BCL11B: variants seen among roughly 807,000 people sequenced by gnomAD.
The protein encoded by BCL11B is BCL11 transcription factor B.
A neutral mutation model predicts 49.9 loss-of-function variants in BCL11B; 8 were observed. The ratio of observed to expected loss-of-function variants is 0.16; its 90% CI spans 0.09 to 0.29. BCL11B has a LOEUF of 0.29. Among genes scored for constraint, BCL11B ranks in the 10% least tolerant of loss-of-function variants. The probability of loss-of-function intolerance (pLI) is 1.00; values close to 1 mark genes in which losing one functional copy is unlikely to be tolerated. For synonymous variants in BCL11B, 739 were observed against 637.4 expected, an observed-to-expected ratio of 1.16 and a Z score of -2.40; for missense variants, 1,006 against 1,351.0, an observed-to-expected ratio of 0.74 and a Z score of 4.00.
chr14:99,247,974 T>A lies in BCL11B; in HGVS notation c.427+9497A>T, dbSNP rs975350707. On this transcript the variant is annotated intron_variant, in intron 2 of 3. Transcript: ENST00000357195. The surrounding 1 kb of genome is among the most constrained non-coding windows in gnomAD (Gnocchi z 4.5). ...CGGTCCTGGGCTGGGGGGCTCACCC[T>A]GCCCTTGGCTGCTGCCTTTTCTCCA... Among the ~76,000 whole-genome samples the A allele has an allele frequency of 1.3e-5, 2 of 152,216 alleles. No individual in the cohort carries two copies. The highest frequency in any genetic ancestry group is 4.8e-5 in the African/African-American group (2 of 41,460).
rs374027806 is a variant in BCL11B, at chr14:99,246,911, A to G, written c.427+10560T>C. Among the ~76,000 whole-genome samples, 109 of 152,256 alleles carry G rather than the reference A, an allele frequency of 7.2e-4. 4 individuals are homozygous for G. The East Asian group carries it at 0.016, about 23-fold the overall frequency. ...GTCGGGGAAACCGGAAAATTGCAGT[A>G]GCGGGGAGGCAGGTGGCGCCCAGAG... On this transcript the variant is annotated intron_variant, in intron 2 of 3. Transcript: ENST00000357195.
chr14:99,220,383 T>C (rs1436258927), intron 3 of BCL11B, among the ~76,000 whole-genome samples: 1 of 152,160 alleles, frequency 6.6e-6, no homozygotes, highest in Non-Finnish European at 1.5e-5. Context: ...GGTCTATCCA[T>C]ATGATAGAAT....
chr14:99,261,123 T>C (rs1889325035), intron 1 of BCL11B, among the ~76,000 whole-genome samples: 3 of 152,306 alleles, frequency 2.0e-5, no homozygotes, highest in Middle Eastern at 3.4e-3. Flanking sequence ...TGTGCGACAC[T>C]TCCCAGGAAG....
intron 3 of BCL11B, among the ~76,000 whole-genome samples, chr14:99,218,072 T>G (rs892857907): frequency 5.6e-5 from 8 of 143,416 alleles, no homozygotes; most frequent in Admixed American, 2.1e-4. Context: ...TTTTTTTTTT[T>G]TTTTTTTTTT....
rs1888919333 is a variant in BCL11B, at chr14:99,248,823, T to G, written c.427+8648A>C. On this transcript the variant is annotated intron_variant, in intron 2 of 3. Coordinates refer to ENST00000357195, the MANE Select transcript of BCL11B (RefSeq NM_138576.4). The surrounding 1 kb of genome is among the most constrained non-coding windows in gnomAD (Gnocchi z 4.7). Reference sequence around the variant, plus strand: ...GCAGCTGTTAGAAACCACTGGTGGCTCCATCTCACATTTCAGCCCAGCAGG... The same window carrying G: ...GCAGCTGTTAGAAACCACTGGTGGCGCCATCTCACATTTCAGCCCAGCAGG... Among the ~76,000 whole-genome samples, 1 of 151,900 alleles carries G rather than the reference T, an allele frequency of 6.6e-6. No homozygotes were observed. Among genetic ancestry groups the G allele is most frequent in the Admixed American group, 6.6e-5 (1 of 15,258 alleles).
At chr14:99,240,478 A>C (rs756970507) in intron 2 of BCL11B, among the ~76,000 whole-genome samples, 53 of 152,236 alleles carry the variant, frequency 3.5e-4, no homozygotes, top group Non-Finnish European at 6.8e-4. Flanking sequence ...TATGTTCCTA[A>C]GCCAAGTCTG....
rs76927979 is a variant in BCL11B at position 99,237,621 on chromosome 14, C to G, written c.428-6064G>C. 5.8e-3 allele frequency among the ~76,000 whole-genome samples: 880 copies of G among 152,190 alleles called. 59 individuals are homozygous for G. The East Asian group carries it at 0.15, about 26-fold the overall frequency. ...ACGGGTCTCTAGTCCCTTGTTGCCA[C>G]GGGTTTTGGCTTGGGGGTGAACATG... On this transcript the variant is annotated intron_variant, in intron 2 of 3. Coordinates refer to ENST00000357195, the MANE Select transcript of BCL11B (RefSeq NM_138576.4).
At chr14:99,197,511 A>G (rs1887211431) in intron 3 of BCL11B, among the ~76,000 whole-genome samples, 1 of 151,912 alleles carries the variant, frequency 6.6e-6, no homozygotes, top group Non-Finnish European at 1.5e-5. Context: ...TTTTTTCACA[A>G]GGCAAGCCTC....
chr14:99,214,718 C>G (rs1242564454), intron 3 of BCL11B, among the ~76,000 whole-genome samples: 1 of 152,048 alleles, frequency 6.6e-6, no homozygotes, highest in African/African-American at 2.4e-5. Flanking sequence ...TGGATGCAGC[C>G]TTCTTGGGAG....
intron 3 of BCL11B, among the ~76,000 whole-genome samples, chr14:99,222,836 C>CCTTTCTTTCTTT (rs34988198): frequency 5.9e-4 from 89 of 151,410 alleles, no homozygotes; most frequent in African/African-American, 2.1e-3. Context: ...TCTTTATTTC[C>CCTTTCTTTCTTT]CTTTCTTTCT....
intron 3 of BCL11B, among the ~76,000 whole-genome samples, chr14:99,207,707 G>A (rs1049726698): frequency 6.6e-6 from 1 of 152,224 alleles, no homozygotes; most frequent in Non-Finnish European, 1.5e-5. Flanking sequence ...TTCCCGGAGA[G>A]TAAACAGGAG....
intron 1 of BCL11B, among the ~76,000 whole-genome samples, chr14:99,269,731 C>T (rs1437223539): frequency 4.6e-5 from 7 of 151,110 alleles, no homozygotes; most frequent in Admixed American, 4.0e-4. Context: ...GCAGCCAGTC[C>T]TCTGCGGTGA....
At chr14:99,196,349 G>C (rs1887178996) in intron 3 of BCL11B, among the ~76,000 whole-genome samples, 2 of 152,128 alleles carry the variant, frequency 1.3e-5, no homozygotes. Flanking sequence ...GCAGCACCGT[G>C]ATACCTTCTG....
At position 99,174,184 on chromosome 14, in the gene BCL11B, G is replaced by A. The variant is rs776324483; in HGVS notation, c.2652C>T (p.Asn884=). 3.7e-6 allele frequency: 6 copies of A among 1,613,338 alleles called. No homozygotes were observed. Among genetic ancestry groups the A allele is most frequent in the Admixed American group, 1.7e-5 (1 of 60,008 alleles). ...KKWHGEHLLT[N]DVKIEQAERS ...TCTCGGCCTGCTCGATTTTGACGTCGTTAGTCAGCAAGTGCTCGCCGTGCC... is the reference window on the plus strand; with the variant it reads ...TCTCGGCCTGCTCGATTTTGACGTCATTAGTCAGCAAGTGCTCGCCGTGCC... The change falls in exon 4 of 4, where the codon AAC becomes AAT. Residue 884 remains asparagine (N), a synonymous_variant. Transcript: ENST00000357195.
chr14:99,215,558 TAA>T (rs1284254310), intron 3 of BCL11B, among the ~76,000 whole-genome samples: 1 of 152,226 alleles, frequency 6.6e-6, no homozygotes. Flanking sequence ...TCTCACATAG[TAA>T]GGCTGGCTCC....
Position 99,174,948 on chromosome 14 carries a change from C to T in BCL11B, c.1888G>A (p.Gly630Ser). ...RGAFLKRAAG[G>S]GDAGDDDDAG... is the part of the protein sequence containing the mutation. ...TCGTCGTCGTCGCCCGCGTCCCCGCCGCCCGCCGCACGCTTCAGGAAGGCG... is the reference window on the plus strand; with the variant it reads ...TCGTCGTCGTCGCCCGCGTCCCCGCTGCCCGCCGCACGCTTCAGGAAGGCG... The change falls in exon 4 of 4, where the codon GGC becomes AGC. Residue 630 changes from glycine to serine, a missense_variant. By Grantham distance (56) the Gly-to-Ser change is moderately conservative. This residue lies in a region of BCL11B where 443 missense variants were observed against 499.7 expected (regional missense o/e 0.89). Transcript: ENST00000357195. The T allele has an allele frequency of 2.1e-6, 3 of 1,442,210 alleles. No homozygotes were observed. The highest frequency in any genetic ancestry group is 1.3e-5 in the South Asian group (1 of 76,110). 89.3% of individuals were successfully genotyped at this position (1,442,210 alleles called of 1,614,324 possible). A position where few individuals can be genotyped will look rare whatever the true frequency, so the allele number is the denominator to read the frequency against.
chr14:99,240,079 C>T (rs1888617855), intron 2 of BCL11B, among the ~76,000 whole-genome samples: 2 of 152,236 alleles, frequency 1.3e-5, no homozygotes, highest in South Asian at 4.1e-4. Flanking sequence ...GACCATAAAA[C>T]TCTACCTGAG....
intron 3 of BCL11B, among the ~76,000 whole-genome samples, chr14:99,219,110 C>T (rs761607693): frequency 1.8e-4 from 28 of 151,698 alleles, no homozygotes; most frequent in Non-Finnish European, 3.4e-4. Flanking sequence ...GGCACGATCT[C>T]GGCTCATGGC....
intron 3 of BCL11B, among the ~76,000 whole-genome samples, chr14:99,223,035 T>C (rs930260090): frequency 4.6e-5 from 7 of 152,160 alleles, no homozygotes; most frequent in African/African-American, 1.7e-4. Context: ...TTGAGCAAAT[T>C]TGCAGTTCAG....
Sources: allele counts gnomAD v4.1 joint callset (sites outside exome capture counted in the v4.1 genomes callset), GRCh38; gene constraint gnomAD v4.1.1; regional missense constraint gnomAD v4.1.1; non-coding constraint Gnocchi (gnomAD v3.1); transcripts MANE v1.5; gene names NCBI Gene and HGNC (gene_info 2026-07-23, HGNC 2026-07-21).